The following AFG2A variants were observed in gnomAD, a reference collection of about 807,000 sequenced individuals.
The protein encoded by AFG2A is AAA ATPase AFG2A.
At chr4:123,205,579 A>T in the AFG2A span, among the ~76,000 whole-genome samples, 1 of 152,172 alleles carries the variant, frequency 6.6e-6, no homozygotes, top group Non-Finnish European at 1.5e-5. Flanking sequence ...TCTAGAGATG[A>T]TTTTAAGTAT....
chr4:122,947,668 T>TA, the AFG2A span, among the ~76,000 whole-genome samples: 13 of 150,914 alleles, frequency 8.6e-5, no homozygotes, highest in African/African-American at 1.9e-4. Context: ...CAGAAGACTA[T>TA]AAAAAAAAAT....
the AFG2A span, chr4:123,318,551 C>T: frequency 6.6e-6 from 1 of 152,122 alleles, no homozygotes; most frequent in East Asian, 1.9e-4. Context: ...TCAGGTGTCA[C>T]TAATAACAGT....
chr4:123,004,996 A>T, the AFG2A span, among the ~76,000 whole-genome samples: 6 of 152,184 alleles, frequency 3.9e-5, no homozygotes, highest in Non-Finnish European at 7.3e-5. Context: ...ATTTATGGCC[A>T]AAGAGTCATT....
At chr4:123,031,004 G>A in the AFG2A span, among the ~76,000 whole-genome samples, 1 of 151,954 alleles carries the variant, frequency 6.6e-6, no homozygotes, top group Non-Finnish European at 1.5e-5. Flanking sequence ...TACAAAGTTG[G>A]GAATATGAAA....
the AFG2A span, among the ~76,000 whole-genome samples, chr4:122,978,953 C>A: frequency 1.9e-4 from 29 of 152,310 alleles, no homozygotes; most frequent in South Asian, 6.0e-3. Context: ...TTCCTGGGTT[C>A]TCGAGAGTGG....
At chr4:123,199,766 G>A in the AFG2A span, among the ~76,000 whole-genome samples, 3 of 151,922 alleles carry the variant, frequency 2.0e-5, no homozygotes, top group African/African-American at 4.8e-5. Context: ...CACCACACCC[G>A]GCCGATATAC....
At chr4:123,117,590 C>A in the AFG2A span, among the ~76,000 whole-genome samples, 1 of 151,562 alleles carries the variant, frequency 6.6e-6, no homozygotes, top group South Asian at 2.1e-4. Context: ...TATTCCCACT[C>A]TTAAAAATTT....
chr4:123,241,185 C>T, the AFG2A span, among the ~76,000 whole-genome samples: 1 of 152,126 alleles, frequency 6.6e-6, no homozygotes, highest in Non-Finnish European at 1.5e-5. Context: ...AGATTCACAG[C>T]CAAATTCTAC....
the AFG2A span, among the ~76,000 whole-genome samples, chr4:123,065,477 A>G: frequency 2.6e-5 from 4 of 152,182 alleles, no homozygotes; most frequent in Non-Finnish European, 2.9e-5. Context: ...AATAACTACT[A>G]GAAAAGTTCA....
the AFG2A span, among the ~76,000 whole-genome samples, chr4:123,089,619 C>G: frequency 6.6e-6 from 1 of 151,856 alleles, no homozygotes; most frequent in African/African-American, 2.4e-5. Context: ...GAATCTCACT[C>G]TGTTGCCCAG....
At chr4:123,271,816 C>G in the AFG2A span, among the ~76,000 whole-genome samples, 1 of 151,848 alleles carries the variant, frequency 6.6e-6, no homozygotes, top group Non-Finnish European at 1.5e-5. Context: ...CACTGGAAAG[C>G]TACCCTGGTC....
the AFG2A span, among the ~76,000 whole-genome samples, chr4:123,088,796 AGGTCTCCC>A: frequency 6.6e-6 from 1 of 152,054 alleles, no homozygotes. Flanking sequence ...TAGTTTCCTG[AGGTCTCCC>A]GGTCATGCTT....
the AFG2A span, among the ~76,000 whole-genome samples, chr4:123,069,179 C>T: frequency 6.6e-6 from 1 of 152,138 alleles, no homozygotes; most frequent in Non-Finnish European, 1.5e-5. Context: ...GAGCATTATC[C>T]ATTTTAGGCC....
At chr4:122,950,599 C>T in the AFG2A span, among the ~76,000 whole-genome samples, 5 of 152,330 alleles carry the variant, frequency 3.3e-5, no homozygotes, top group Admixed American at 1.3e-4. Context: ...CTCAGCCTCC[C>T]AAAGTGGTGG....
chr4:123,088,514 C>T, the AFG2A span, among the ~76,000 whole-genome samples: 1 of 152,152 alleles, frequency 6.6e-6, no homozygotes, highest in East Asian at 1.9e-4. Flanking sequence ...TATGGAGAAT[C>T]TTTTGAAGGA....
At chr4:123,222,538 A>G in the AFG2A span, among the ~76,000 whole-genome samples, 1 of 152,224 alleles carries the variant, frequency 6.6e-6, no homozygotes, top group Non-Finnish European at 1.5e-5. Context: ...TGTTATGGTA[A>G]GAACATTTAA....
At chr4:123,279,897 T>G in the AFG2A span, among the ~76,000 whole-genome samples, 1,260 of 152,292 alleles carry the variant, frequency 8.3e-3, 12 homozygotes, top group Admixed American at 0.017. Context: ...TATTACAATA[T>G]AAAAGTGATA....
At chr4:123,314,054 A>T in the AFG2A span, 1 of 1,570,530 alleles carries the variant, frequency 6.4e-7, no homozygotes, top group Non-Finnish European at 8.6e-7. Context: ...AGTGGGCTGC[A>T]TACACTCTGA....
chr4:123,172,504 C>T, the AFG2A span, among the ~76,000 whole-genome samples: 2 of 152,128 alleles, frequency 1.3e-5, no homozygotes, highest in Non-Finnish European at 2.9e-5. Flanking sequence ...TTAATCTGTA[C>T]CTAAACCAAT....
Sources: gnomAD v4.1 joint callset for allele counts (sites outside exome capture counted in the v4.1 genomes callset) on GRCh38, gnomAD v4.1.1 for gene constraint, MANE v1.5 for transcripts, NCBI Gene and HGNC (gene_info 2026-07-23, HGNC 2026-07-21) for gene names.